The following FTO variants were observed in gnomAD, a reference collection of about 807,000 sequenced individuals.
FTO encodes FTO alpha-ketoglutarate dependent dioxygenase.
A neutral mutation model predicts 63.9 loss-of-function variants in FTO; 47 were observed. The ratio of observed to expected loss-of-function variants is 0.74; its 90% CI spans 0.58 to 0.94. The LOEUF is 0.94. Ranked by LOEUF, FTO falls within the 40% of genes least tolerant of loss-of-function variation. The probability of loss-of-function intolerance (pLI) is 0.00; values close to 1 mark genes in which losing one functional copy is unlikely to be tolerated. For synonymous variants in FTO, 207 were observed against 224.4 expected (o/e 0.92, Z 0.69); for missense variants, 562 against 618.1 (o/e 0.91, Z 0.96).
At chr16:53,751,315 G>A (rs1347852284) in intron 1 of FTO, among the ~76,000 whole-genome samples, 2 of 152,044 alleles carry the variant, frequency 1.3e-5, no homozygotes, top group African/African-American at 2.4e-5. Context: ...AAAATTAGCC[G>A]GGCGTGGTGG....
At chr16:53,766,384 C>T (rs1015396483) in intron 1 of FTO, among the ~76,000 whole-genome samples, 1 of 152,116 alleles carries the variant, frequency 6.6e-6, no homozygotes, top group South Asian at 2.1e-4. Flanking sequence ...CATCACTACT[C>T]CTGGCTAATT....
At chr16:53,944,918 G>C (rs1022159097) in intron 8 of FTO, among the ~76,000 whole-genome samples, 3 of 152,144 alleles carry the variant, frequency 2.0e-5, no homozygotes, top group Admixed American at 1.3e-4. Flanking sequence ...TAGCCTCCTG[G>C]TAGGGGCCTG....
intron 4 of FTO, among the ~76,000 whole-genome samples, chr16:53,867,654 A>G (rs1290600932): frequency 6.6e-6 from 1 of 152,058 alleles, no homozygotes; most frequent in Non-Finnish European, 1.5e-5. Context: ...TGAGCTTGAT[A>G]CTAGTGTGTA....
rs1267715054 is a variant in FTO, at chr16:54,118,174, C to T, written c.*6259C>T. On this transcript the variant is annotated 3_prime_UTR_variant, in exon 9 of 9. Transcript: ENST00000471389. ...CTGATCTGGTAAATGCGGTAGTTTC[C>T]TGCTGAGAGATGGGAAGTGCTGGCC... The T allele has an allele frequency of 2.6e-5, 4 of 152,112 alleles. No homozygotes were observed. Among genetic ancestry groups the T allele is most frequent in the African/African-American group, 9.7e-5 (4 of 41,400 alleles). The allele number at this position is 152,112 out of a possible 1,614,324, so 9.4% of individuals were successfully genotyped here.
intron 8 of FTO, chr16:54,061,623 G>GTGTT (rs1211117442): frequency 6.6e-6 from 1 of 152,262 alleles, no homozygotes; most frequent in Non-Finnish European, 1.5e-5. Flanking sequence ...GTGTGTGTGT[G>GTGTT]TGTGTGTGTA....
intron 8 of FTO, among the ~76,000 whole-genome samples, chr16:54,036,250 C>A (rs188414076): frequency 6.6e-6 from 1 of 152,162 alleles, no homozygotes; most frequent in African/African-American, 2.4e-5. Flanking sequence ...AATATTTAGC[C>A]CCATAATGTT....
Position 53,826,105 on chromosome 16 carries a change from G to T in FTO, c.365G>T (p.Gly122Val). 2 of 1,614,078 alleles carry T rather than the reference G, an allele frequency of 1.2e-6. No individual in the cohort carries two copies. The highest frequency in any genetic ancestry group is 1.7e-6 in the Non-Finnish European group (2 of 1,180,020). Residue 122 changes from glycine (G) to valine (V), a missense_variant, in exon 3 of 9, where the codon GGG becomes GTG. Coordinates refer to ENST00000471389, the MANE Select transcript of FTO (RefSeq NM_001080432.3). Reference sequence around the variant, plus strand: ...TTTACGGTCCCCTGGCCAGTGAAAGGGTCTAATATAAAACACACCGAGGCT... The same window carrying T: ...TTTACGGTCCCCTGGCCAGTGAAAGTGTCTAATATAAAACACACCGAGGCT... Reference protein sequence around the residue: ...RLFTVPWPVKGSNIKHTEAEI... With the variant: ...RLFTVPWPVKVSNIKHTEAEI...
intron 4 of FTO, among the ~76,000 whole-genome samples, chr16:53,845,116 C>A (rs1210984734): frequency 6.6e-6 from 1 of 152,054 alleles, no homozygotes; most frequent in African/African-American, 2.4e-5. Flanking sequence ...TTTGGACTTT[C>A]TACTTGTTTT....
chr16:53,983,749 C>T (rs1383083489), intron 8 of FTO, among the ~76,000 whole-genome samples: 1 of 152,092 alleles, frequency 6.6e-6, no homozygotes, highest in Non-Finnish European at 1.5e-5. Context: ...CACCCCCGGT[C>T]TAAGAGGACA....
At chr16:53,799,630 A>G (rs1162225836) in intron 1 of FTO, among the ~76,000 whole-genome samples, 1 of 152,140 alleles carries the variant, frequency 6.6e-6, no homozygotes, top group Non-Finnish European at 1.5e-5. Flanking sequence ...ACACAAAAGT[A>G]TGGAGTCTCA....
Position 53,749,656 on chromosome 16 carries a change from G to A in FTO, c.45+45427G>A, listed in dbSNP as rs188192617. On this transcript the variant is annotated intron_variant, in intron 1 of 8. Coordinates refer to ENST00000471389, the MANE Select transcript of FTO (RefSeq NM_001080432.3). ...GGGTTTCACCGTGTTAGCCAGGATGGTCTCGATCTCCTGACCTCGTGATCC... is the reference window on the plus strand; with the variant it reads ...GGGTTTCACCGTGTTAGCCAGGATGATCTCGATCTCCTGACCTCGTGATCC... Among the ~76,000 whole-genome samples, 1,257 of 152,046 alleles carry A rather than the reference G, an allele frequency of 8.3e-3. 10 individuals are homozygous for A. Among genetic ancestry groups the A allele is most frequent in the African/African-American group, 0.029 (1,213 of 41,476 alleles).
chr16:53,813,066 G>T (rs2078576439), intron 2 of FTO, among the ~76,000 whole-genome samples: 1 of 152,086 alleles, frequency 6.6e-6, no homozygotes, highest in African/African-American at 2.4e-5. Flanking sequence ...AGCCCACTGT[G>T]CTCTGAACCA....
chr16:53,854,681 A>C (rs8061427), intron 4 of FTO, among the ~76,000 whole-genome samples: 51,655 of 151,976 alleles, frequency 0.34, 10,827 homozygotes, highest in East Asian at 0.63. Context: ...TTTAGTTACT[A>C]CAGCTTTGTG....
intron 1 of FTO, among the ~76,000 whole-genome samples, chr16:53,803,736 A>C (rs2151720055): frequency 6.6e-6 from 1 of 152,204 alleles, no homozygotes; most frequent in African/African-American, 2.4e-5. Context: ...ATAGCTCTGG[A>C]TGGGCCTTAG....
rs138061627 is a variant in FTO at position 54,006,627 on chromosome 16, G to A, written c.1364+72518G>A. On this transcript the variant is annotated intron_variant, in intron 8 of 8. Coordinates refer to ENST00000471389, the MANE Select transcript of FTO (RefSeq NM_001080432.3). ...GCTGAATGACCCAACTGGCCCAATTGCACCAACCACAGTTTCTGCCTAGAC... is the reference window on the plus strand; with the variant it reads ...GCTGAATGACCCAACTGGCCCAATTACACCAACCACAGTTTCTGCCTAGAC... Among the ~76,000 whole-genome samples, 621 of 152,210 alleles carry A rather than the reference G, an allele frequency of 4.1e-3. 5 individuals carry two copies. The highest frequency in any genetic ancestry group is 0.014 in the African/African-American group (592 of 41,536).
intron 8 of FTO, among the ~76,000 whole-genome samples, chr16:54,005,083 A>AG (rs1306333748): frequency 2.7e-5 from 4 of 149,704 alleles, no homozygotes; most frequent in African/African-American, 7.3e-5. Context: ...AAAAAAAAAA[A>AG]AAAAAAGAAA....
chr16:53,729,209 A>G (rs2076216483), intron 1 of FTO, among the ~76,000 whole-genome samples: 2 of 150,642 alleles, frequency 1.3e-5, no homozygotes, highest in Non-Finnish European at 3.0e-5. Flanking sequence ...TTTCCATTCC[A>G]CCCACTTCTA....
chr16:54,023,853 C>T (rs2084655303), intron 8 of FTO, among the ~76,000 whole-genome samples: 1 of 152,158 alleles, frequency 6.6e-6, no homozygotes. Flanking sequence ...AATTTCCAGC[C>T]ATTGACCATA....
intron 8 of FTO, among the ~76,000 whole-genome samples, chr16:53,997,874 G>A (rs1402636478): frequency 6.6e-6 from 1 of 152,176 alleles, no homozygotes; most frequent in Non-Finnish European, 1.5e-5. Context: ...CATAATAAAA[G>A]CAGGAGGTGA....
Sources: gnomAD v4.1 joint callset for allele counts (sites outside exome capture counted in the v4.1 genomes callset) on GRCh38, gnomAD v4.1.1 for gene constraint, MANE v1.5 for transcripts, NCBI Gene and HGNC (gene_info 2026-07-23, HGNC 2026-07-21) for gene names.